The following KDM4C variants were observed in gnomAD, a reference collection of about 807,000 sequenced individuals.
KDM4C encodes the protein lysine-specific demethylase 4C.
In KDM4C, 81 loss-of-function variants were observed where a neutral mutation model predicts 129.3. The observed-to-expected ratio is 0.63, with a 90% CI of 0.52 to 0.75. KDM4C has a LOEUF of 0.75. Ranked by LOEUF, KDM4C falls within the 30% of genes least tolerant of loss-of-function variation. The pLI is 0.00. For synonymous variants in KDM4C, 573 were observed against 456.1 expected (o/e 1.26, Z -3.26); for missense variants, 1,457 against 1,304.0 (o/e 1.12, Z -1.81).
chr9:7,126,647 A>T (rs1587769922), intron 18 of KDM4C, among the ~76,000 whole-genome samples: 1 of 152,186 alleles, frequency 6.6e-6, no homozygotes, highest in African/African-American at 2.4e-5. Context: ...CACATGTTAA[A>T]TGCATGTATT....
rs536825393 is a variant in KDM4C, at chr9:6,732,207, A to G, written c.49+11210A>G. On this transcript the variant is annotated intron_variant, in intron 1 of 17. Transcript: ENST00000536108. ...CAGTGAAACCCCATCTTTACTAAAA[A>G]TACAAAAATTAGCCGGGCGTGGTGG... is the stretch of plus-strand genomic sequence containing the variant. Among the ~76,000 whole-genome samples, 17 of 151,490 alleles carry G rather than the reference A, an allele frequency of 1.1e-4. No individual in the cohort carries two copies. In the East Asian group the frequency reaches 3.3e-3, roughly 30 times the overall value.
chr9:6,922,617 C>T lies in KDM4C; in HGVS notation c.921+29385C>T, dbSNP rs549920085. Among the ~76,000 whole-genome samples, 10 of 152,308 alleles carry T rather than the reference C, an allele frequency of 6.6e-5. No homozygotes were observed. The South Asian group carries it at 1.7e-3, about 25-fold the overall frequency. On this transcript the variant is annotated intron_variant, in intron 8 of 21. Transcript: ENST00000381309. Reference sequence around the variant, plus strand: ...CAAAAATTAGTTGAATGTGGTGGCCCGTGCCTGTAGTCTCATCTACCTGGG... The same window carrying T: ...CAAAAATTAGTTGAATGTGGTGGCCTGTGCCTGTAGTCTCATCTACCTGGG...
At chr9:7,020,144 A>G (rs1824529586) in intron 15 of KDM4C, among the ~76,000 whole-genome samples, 1 of 152,180 alleles carries the variant, frequency 6.6e-6, no homozygotes, top group South Asian at 2.1e-4. Context: ...AATAAAAACC[A>G]AAATATATAT....
chr9:6,853,253 C>G (rs1242251190), intron 5 of KDM4C, among the ~76,000 whole-genome samples: 1 of 151,756 alleles, frequency 6.6e-6, no homozygotes, highest in Non-Finnish European at 1.5e-5. Context: ...TTTGGGAGGC[C>G]AAGGTAGGCG....
chr9:6,916,457 TAG>T (rs1023835775), intron 8 of KDM4C, among the ~76,000 whole-genome samples: 1 of 152,094 alleles, frequency 6.6e-6, no homozygotes, highest in African/African-American at 2.4e-5. Context: ...TGTTTTTTTA[TAG>T]AGACAGGCCT....
intron 8 of KDM4C, among the ~76,000 whole-genome samples, chr9:6,930,307 C>G (rs564207266): frequency 6.6e-6 from 1 of 152,120 alleles, no homozygotes; most frequent in Non-Finnish European, 1.5e-5. Flanking sequence ...ATTTCACTGA[C>G]TTGTCAACAT....
At chr9:7,008,941 C>A (rs1822184649) in intron 12 of KDM4C, among the ~76,000 whole-genome samples, 1 of 152,188 alleles carries the variant, frequency 6.6e-6, no homozygotes. Context: ...GTCACTAGTT[C>A]TTCAAATGCA....
intron 8 of KDM4C, among the ~76,000 whole-genome samples, chr9:6,958,928 G>C (rs769383103): frequency 6.6e-6 from 1 of 152,072 alleles, no homozygotes; most frequent in Non-Finnish European, 1.5e-5. Context: ...GATTACAGGC[G>C]TGAGCCACCA....
chr9:6,772,225 C>T (rs1821994243), intron 1 of KDM4C, among the ~76,000 whole-genome samples: 1 of 152,118 alleles, frequency 6.6e-6, no homozygotes, highest in African/African-American at 2.4e-5. Context: ...TCTCGGCTCA[C>T]TGCAAGCTCC....
rs185293093 is a variant in KDM4C, at chr9:6,793,731, C to G, written c.144+599C>G. On this transcript the variant is annotated intron_variant, in intron 2 of 21. Coordinates refer to ENST00000381309, the MANE Select transcript of KDM4C (RefSeq NM_015061.6). ...AATTTTTTTGTATTTTTAGTTGAGACGGGGTTTCACCATGTTGGCCAGGCT... is the reference window on the plus strand; with the variant it reads ...AATTTTTTTGTATTTTTAGTTGAGAGGGGGTTTCACCATGTTGGCCAGGCT... 3.6e-3 allele frequency among the ~76,000 whole-genome samples: 551 copies of G among 151,856 alleles called. 6 individuals carry two copies. Among genetic ancestry groups the G allele is most frequent in the African/African-American group, 0.013 (525 of 41,448 alleles).
chr9:6,992,210 C>G (rs1818881561), intron 12 of KDM4C, among the ~76,000 whole-genome samples: 1 of 152,160 alleles, frequency 6.6e-6, no homozygotes, highest in African/African-American at 2.4e-5. Flanking sequence ...GCTGTACCAA[C>G]ACATAGAGAA....
intron 11 of KDM4C, among the ~76,000 whole-genome samples, chr9:6,988,700 C>CCATT (rs1818187336): frequency 6.6e-6 from 1 of 151,972 alleles, no homozygotes; most frequent in African/African-American, 2.4e-5. Flanking sequence ...ATCCATCCAT[C>CCATT]CATCCATTCA....
chr9:7,146,577 T>G (rs929656313), intron 19 of KDM4C, among the ~76,000 whole-genome samples: 3 of 152,232 alleles, frequency 2.0e-5, no homozygotes, highest in Non-Finnish European at 4.4e-5. Context: ...TACTTAATTT[T>G]TTTTAAGTCA....
Position 7,028,641 on chromosome 9 carries a change from A to G in KDM4C, c.2259+12712A>G, listed in dbSNP as rs141216967. Among the ~76,000 whole-genome samples the G allele has an allele frequency of 2.5e-4, 38 of 152,164 alleles. No homozygotes were observed. The East Asian group carries it at 5.4e-3, about 22-fold the overall frequency. ...GTGGCTCTGAGCCCAGTCCAGCACC[A>G]TGACTCGCCTAGGAGTTGCAGTTCT... is the stretch of plus-strand genomic sequence containing the variant. On this transcript the variant is annotated intron_variant, in intron 15 of 21. Coordinates refer to ENST00000381309, the MANE Select transcript of KDM4C (RefSeq NM_015061.6).
rs190175286 is a variant in KDM4C, at chr9:7,118,046, C to T, written c.2611-10020C>T. On this transcript the variant is annotated intron_variant, in intron 18 of 21. Transcript: ENST00000381309. ...GATTCTGCTATAGCTAAAGATGGTT[C>T]TCTCTTCCCAGTTCTCTTCACTTAC... Among the ~76,000 whole-genome samples the T allele has an allele frequency of 8.7e-4, 133 of 152,320 alleles. 1 individual carries two copies. Among genetic ancestry groups the T allele is most frequent in the African/African-American group, 3.2e-3 (132 of 41,588 alleles).
At chr9:6,865,491 G>C (rs1213492481) in intron 5 of KDM4C, among the ~76,000 whole-genome samples, 1 of 152,088 alleles carries the variant, frequency 6.6e-6, no homozygotes, top group East Asian at 1.9e-4. Context: ...TTCCCTGTTT[G>C]CTATTGTTTC....
intron 19 of KDM4C, among the ~76,000 whole-genome samples, chr9:7,149,249 C>T (rs934016206): frequency 3.2e-4 from 49 of 152,232 alleles, no homozygotes; most frequent in African/African-American, 6.0e-4. Flanking sequence ...TGCACACGCC[C>T]GGCTGGGTCG....
chr9:6,802,102 T>A (rs1829099540), intron 2 of KDM4C, among the ~76,000 whole-genome samples: 1 of 140,882 alleles, frequency 7.1e-6, no homozygotes. Flanking sequence ...AGAAACTTTG[T>A]CTCAAAAAAA....
At chr9:7,047,323 A>T (rs1459301088) in intron 16 of KDM4C, among the ~76,000 whole-genome samples, 1 of 152,090 alleles carries the variant, frequency 6.6e-6, no homozygotes, top group Non-Finnish European at 1.5e-5. Flanking sequence ...AATGATAATA[A>T]AACAAAACCA....
Sources: allele counts gnomAD v4.1 joint callset (sites outside exome capture counted in the v4.1 genomes callset), GRCh38; gene constraint gnomAD v4.1.1; transcripts MANE v1.5; gene names NCBI Gene and HGNC (gene_info 2026-07-23, HGNC 2026-07-21).